Variants in TASP1 observed in about 807,000 individuals in gnomAD.
TASP1 encodes threonine aspartase 1.
Under a neutral mutation model 56.6 loss-of-function variants are expected in TASP1, and 16 were observed. That is an observed-to-expected ratio of 0.28 (90% CI 0.19 to 0.43). TASP1 has a LOEUF of 0.43. Ranked by LOEUF, TASP1 falls within the 20% of genes least tolerant of loss-of-function variation. TASP1 has a pLI of 1.00. For synonymous variants in TASP1, 179 were observed against 184.2 expected (o/e 0.97, Z 0.23); for missense variants, 393 against 511.6 (o/e 0.77, Z 2.24).
the TASP1 span, among the ~76,000 whole-genome samples, chr20:13,247,708 G>A: frequency 2.6e-5 from 4 of 152,180 alleles, no homozygotes; most frequent in Non-Finnish European, 5.9e-5. Flanking sequence ...ACTGTGAGAA[G>A]TATTGAAAGC....
chr20:13,568,169 A>C (rs2046598586), intron 7 of TASP1, among the ~76,000 whole-genome samples: 1 of 152,048 alleles, frequency 6.6e-6, no homozygotes, highest in Non-Finnish European at 1.5e-5. Context: ...TTTTTTAGAC[A>C]CAAGGTCTCG....
intron 13 of TASP1, among the ~76,000 whole-genome samples, chr20:13,391,884 C>T (rs1600656590): frequency 6.7e-6 from 1 of 149,468 alleles, no homozygotes; most frequent in African/African-American, 2.5e-5. Context: ...AGGAGAATGG[C>T]ATGAACCTGG....
At chr20:13,509,917 C>T (rs560628993) in intron 10 of TASP1, among the ~76,000 whole-genome samples, 2 of 152,256 alleles carry the variant, frequency 1.3e-5, no homozygotes, top group East Asian at 3.9e-4. Context: ...TGAGCCACCA[C>T]GTCTGGCCTT....
chr20:13,496,208 C>T (rs1418406065), intron 10 of TASP1, among the ~76,000 whole-genome samples: 1 of 152,102 alleles, frequency 6.6e-6, no homozygotes, highest in East Asian at 1.9e-4. Context: ...TGCCTGCCAC[C>T]ACACCTGGTT....
At chr20:13,510,145 T>TA (rs553711813) in intron 10 of TASP1, among the ~76,000 whole-genome samples, 82 of 148,664 alleles carry the variant, frequency 5.5e-4, no homozygotes, top group Middle Eastern at 3.5e-3. Context: ...TTTCTAGACT[T>TA]AAAAAAAAAA....
At chr20:13,109,139 T>C in the TASP1 span, among the ~76,000 whole-genome samples, 4 of 152,202 alleles carry the variant, frequency 2.6e-5, no homozygotes, top group Non-Finnish European at 4.4e-5. Flanking sequence ...CAAGTTCTTC[T>C]AAATGACCTC....
intron 13 of TASP1, among the ~76,000 whole-genome samples, chr20:13,402,302 G>C (rs138188439): frequency 1.3e-5 from 2 of 152,196 alleles, no homozygotes; most frequent in African/African-American, 4.8e-5. Context: ...AAATTAACTT[G>C]AGGCTGAGGA....
chr20:13,505,775 A>G (rs144753495), intron 10 of TASP1, among the ~76,000 whole-genome samples: 1,693 of 152,274 alleles, frequency 0.011, 42 homozygotes, highest in African/African-American at 0.038. Flanking sequence ...CTAAAACAGA[A>G]GTTAACAGCA....
At chr20:13,198,583 A>G in the TASP1 span, among the ~76,000 whole-genome samples, 1 of 152,170 alleles carries the variant, frequency 6.6e-6, no homozygotes, top group Non-Finnish European at 1.5e-5. Context: ...CTCTTAACAA[A>G]TCTTGAAGTG....
chr20:13,421,964 T>G (rs529727263), intron 12 of TASP1, among the ~76,000 whole-genome samples: 1 of 150,500 alleles, frequency 6.6e-6, no homozygotes, highest in Non-Finnish European at 1.5e-5. Flanking sequence ...TTTTTTTTTT[T>G]TTTTTTTGAC....
chr20:13,477,038 T>G (rs1219410430), intron 11 of TASP1, among the ~76,000 whole-genome samples: 1 of 152,184 alleles, frequency 6.6e-6, no homozygotes, highest in African/African-American at 2.4e-5. Context: ...TTAAATATTC[T>G]AAATCATTAA....
chr20:13,623,067 C>T (rs888180581), intron 4 of TASP1, among the ~76,000 whole-genome samples: 22 of 152,134 alleles, frequency 1.4e-4, no homozygotes, highest in African/African-American at 5.1e-4. Flanking sequence ...GAAGAATCTT[C>T]CCCTTCTACT....
intron 11 of TASP1, among the ~76,000 whole-genome samples, chr20:13,464,761 G>C (rs1600877499): frequency 1.3e-5 from 2 of 152,098 alleles, no homozygotes; most frequent in Non-Finnish European, 2.9e-5. Context: ...AGGAGGGAAA[G>C]GGGAGTTGTT....
At chr20:13,425,461 T>C (rs1426652217) in intron 12 of TASP1, among the ~76,000 whole-genome samples, 1 of 152,138 alleles carries the variant, frequency 6.6e-6, no homozygotes, top group Admixed American at 6.5e-5. Flanking sequence ...TATATATACA[T>C]ATATTGTCCT....
chr20:13,599,506 A>G (rs2047873191), intron 4 of TASP1, among the ~76,000 whole-genome samples: 2 of 152,178 alleles, frequency 1.3e-5, no homozygotes, highest in African/African-American at 4.8e-5. Flanking sequence ...GGCGGAGAAC[A>G]TCACACACCA....
intron 13 of TASP1, among the ~76,000 whole-genome samples, chr20:13,411,405 T>C (rs1415627079): frequency 1.3e-5 from 2 of 152,220 alleles, no homozygotes; most frequent in African/African-American, 4.8e-5. Flanking sequence ...CTAATTCTTC[T>C]GATCCATGAG....
intron 12 of TASP1, among the ~76,000 whole-genome samples, chr20:13,424,559 A>G (rs1171985015): frequency 1.3e-5 from 2 of 152,130 alleles, no homozygotes; most frequent in South Asian, 4.2e-4. Context: ...CGCAGGGTAA[A>G]TGAGTGGCCT....
chr20:13,325,952 T>C, the TASP1 span, among the ~76,000 whole-genome samples: 1 of 152,230 alleles, frequency 6.6e-6, no homozygotes, highest in African/African-American at 2.4e-5. Context: ...AGTCCTATCT[T>C]ACCACCTCTT....
intron 11 of TASP1, among the ~76,000 whole-genome samples, chr20:13,451,350 C>T (rs1163587345): frequency 6.6e-6 from 1 of 152,084 alleles, no homozygotes; most frequent in Non-Finnish European, 1.5e-5. Flanking sequence ...CTGACTTCTC[C>T]TGGCCAGCTA....
Sources: gnomAD v4.1 joint callset for allele counts (sites outside exome capture counted in the v4.1 genomes callset) on GRCh38, gnomAD v4.1.1 for gene constraint, MANE v1.5 for transcripts, NCBI Gene and HGNC (gene_info 2026-07-23, HGNC 2026-07-21) for gene names.